Variants in RYR1 observed in about 807,000 individuals in gnomAD.
RYR1 encodes the protein central core disease of muscle.
A neutral mutation model predicts 583.5 loss-of-function variants in RYR1; 342 were observed. The observed-to-expected ratio is 0.59, with a 90% CI of 0.54 to 0.64. The LOEUF (loss-of-function observed/expected upper bound fraction) is 0.64. Ranked by LOEUF, RYR1 falls within the 30% of genes least tolerant of loss-of-function variation. The pLI is 0.00. For synonymous variants in RYR1, 2,791 were observed against 2,822.5 expected (o/e 0.99, Z 0.35); for missense variants, 6,032 against 6,917.2 (o/e 0.87, Z 4.54).
chr19:38,455,548 T>C lies in RYR1; in HGVS notation c.1672+2T>C. Reference sequence around the variant, plus strand: ...TGGATCGGCTGGAGGCCTCGTCTGGTAGGAGAACCCGGGGGAGTGGGACAG... The same window carrying C: ...TGGATCGGCTGGAGGCCTCGTCTGGCAGGAGAACCCGGGGGAGTGGGACAG... On this transcript the variant is annotated splice_donor_variant, in intron 15 of 105. Transcript: ENST00000359596. LOFTEE classifies it high-confidence loss of function. 6.2e-7 allele frequency: 1 copy of C among 1,613,968 alleles called. No individual in the cohort carries two copies. The highest frequency in any genetic ancestry group is 8.5e-7 in the Non-Finnish European group (1 of 1,179,922).
intron 89 of RYR1, among the ~76,000 whole-genome samples, chr19:38,553,180 C>G (rs1000214638): frequency 2.7e-5 from 4 of 148,658 alleles, no homozygotes; most frequent in Non-Finnish European, 5.9e-5. Context: ...ACTAAAAATA[C>G]AGAAATTAGC....
At position 38,499,305 on chromosome 19, in the gene RYR1, C is replaced by T. The variant is rs535313297; in HGVS notation, c.7027+62C>T. On this transcript the variant is annotated intron_variant, in intron 43 of 105. Transcript: ENST00000359596. This position sits in a 1 kb window ranked among gnomAD's most constrained non-coding sequence, Gnocchi z 7.3. ...GGAGTCACTGGTCACACACCTCCCT[C>T]GAGATGACTGCTCGCACCCTGAGCC... 19 of 1,611,748 alleles carry T rather than the reference C, an allele frequency of 1.2e-5. No homozygotes were observed. The highest frequency in any genetic ancestry group is 8.9e-5 in the East Asian group (4 of 44,870).
intron 29 of RYR1, 150 bp from the exon 30 acceptor site, chr19:38,477,560 A>C (rs1968794971): frequency 1.1e-6 from 1 of 875,674 alleles, no homozygotes; most frequent in Admixed American, 2.0e-5. Context: ...ACAGAAACAG[A>C]CATAACCAGG....
rs139498212 is a variant in RYR1 at position 38,499,709 on chromosome 19, C to T, written c.7102C>T (p.Leu2368=). 7 of 1,601,400 alleles carry T rather than the reference C, an allele frequency of 4.4e-6. No homozygotes were observed. Among genetic ancestry groups the T allele is most frequent in the Non-Finnish European group, 5.1e-6 (6 of 1,179,700 alleles). ...GAAGCCTGAGTGCTTCGGACCCGCCCTGCGGGGTGAGGGTGGCTCAGGGCT... is the reference window on the plus strand; with the variant it reads ...GAAGCCTGAGTGCTTCGGACCCGCCTTGCGGGGTGAGGGTGGCTCAGGGCT... The part of the protein sequence containing the change: ...IRKPECFGPA[L]RGEGGSGLLA... Residue 2368 remains leucine (L), a synonymous_variant, in exon 44 of 106, where the codon CTG becomes TTG. Coordinates refer to ENST00000359596, the MANE Select transcript of RYR1 (RefSeq NM_000540.3). The surrounding 1 kb of genome is among the most constrained non-coding windows in gnomAD (Gnocchi z 7.3).
In RYR1 at chr19:38,504,287, G is replaced by C. The variant is rs1431423296; in HGVS notation, c.7994G>C (p.Gly2665Ala). The part of the protein sequence containing the change: ...YCLPTGWANF[G>A]VTSEEELHLT... ...CTACCCACGGGCTGGGCCAACTTCGGGGTCACCTCAGAGGAGGAGCTGCAC... is the reference window on the plus strand; with the variant it reads ...CTACCCACGGGCTGGGCCAACTTCGCGGTCACCTCAGAGGAGGAGCTGCAC... Residue 2665 changes from glycine to alanine, a missense_variant, in exon 50 of 106, where the codon GGG becomes GCG. By Grantham distance (60) the Gly-to-Ala change is moderately conservative. Transcript: ENST00000359596. 5.0e-6 allele frequency: 8 copies of C among 1,614,098 alleles called. No homozygotes were observed. The highest frequency in any genetic ancestry group is 1.1e-5 in the South Asian group (1 of 91,064).
intron 67 of RYR1, among the ~76,000 whole-genome samples, chr19:38,520,072 T>C (rs1189386590): frequency 3.4e-5 from 4 of 117,446 alleles, no homozygotes; most frequent in South Asian, 2.5e-4. Context: ...AATAGTTTGC[T>C]TTTTTTTTTT....
chr19:38,485,540 T>C lies in RYR1; in HGVS notation c.4935-50T>C, dbSNP rs1251364299. The C allele has an allele frequency of 6.9e-6, 11 of 1,601,634 alleles. No individual in the cohort carries two copies. In the East Asian group the frequency reaches 2.2e-4, roughly 32 times the overall value. ...GAGGAAGAGATGGTGGCTTGACTGA[T>C]GCAGGAGGCTCATTCATCTGTCCCT... is the stretch of plus-strand genomic sequence containing the variant. On this transcript the variant is annotated intron_variant, in intron 33 of 105. Coordinates refer to ENST00000359596, the MANE Select transcript of RYR1 (RefSeq NM_000540.3).
At chr19:38,538,892 C>T (rs1600973637) in intron 84 of RYR1, among the ~76,000 whole-genome samples, 1 of 152,270 alleles carries the variant, frequency 6.6e-6, no homozygotes, top group Non-Finnish European at 1.5e-5. Context: ...CAAAATTCTG[C>T]ACAAAAAACA....
Position 38,573,262 on chromosome 19 carries a change from A to C in RYR1, c.14084A>C (p.Asp4695Ala). Residue 4695 changes from aspartate (D) to alanine (A), a missense_variant, in exon 96 of 106, where the codon GAC (aspartate) becomes GCC (alanine). Around this residue, in one of 11 missense-constraint regions of RYR1, gnomAD observed 188 missense variants for 215.6 expected, o/e 0.87. Coordinates refer to ENST00000359596, the MANE Select transcript of RYR1 (RefSeq NM_000540.3). Reference sequence around the variant, plus strand: ...CTGTACATCACGGAGCAGCCTGAGGACGATGACGTGAAGGGGCAGTGGGAC... The same window carrying C: ...CTGTACATCACGGAGCAGCCTGAGGCCGATGACGTGAAGGGGCAGTGGGAC... ...DGLYITEQPEDDDVKGQWDRL... is the reference protein window; with the variant it reads ...DGLYITEQPEADDVKGQWDRL... 6.2e-7 allele frequency: 1 copy of C among 1,613,948 alleles called. No homozygotes were observed. Among genetic ancestry groups the C allele is most frequent in the Non-Finnish European group, 8.5e-7 (1 of 1,179,944 alleles).
At position 38,457,566 on chromosome 19, in the gene RYR1, A is replaced by G. The variant is rs794728694; in HGVS notation, c.1861A>G (p.Thr621Ala). Residue 621 changes from threonine (T) to alanine (A), a missense_variant, in exon 17 of 106, where the codon ACT becomes GCT. Thr to Ala is a moderately conservative substitution (Grantham distance 58). Coordinates refer to ENST00000359596, the MANE Select transcript of RYR1 (RefSeq NM_000540.3). ...TGTACGCTCCAACCAAGATCTTATT[A>G]CTGAGAACTTGCTGCCTGGCCGTGA... ...VAVRSNQDLI[T>A]ENLLPGRELL... The G allele has an allele frequency of 6.2e-7, 1 of 1,614,136 alleles. No homozygotes were observed. The highest frequency in any genetic ancestry group is 1.1e-5 in the South Asian group (1 of 91,080).
At chr19:38,484,166 C>T (rs1316254566) in intron 33 of RYR1, among the ~76,000 whole-genome samples, 1 of 152,086 alleles carries the variant, frequency 6.6e-6, no homozygotes, top group Non-Finnish European at 1.5e-5. Context: ...GTGGTGTGCA[C>T]CCATCGTCCC....
At chr19:38,474,564 CTTTTTTTTTT>C (rs970000046) in intron 28 of RYR1, among the ~76,000 whole-genome samples, 34 of 88,208 alleles carry the variant, frequency 3.9e-4, no homozygotes, top group Admixed American at 9.4e-4. Context: ...CGCCCGGCTC[CTTTTTTTTTT>C]TTTTTTTTTT....
chr19:38,585,598 T>C (rs1310754076), intron 102 of RYR1, among the ~76,000 whole-genome samples: 2 of 151,596 alleles, frequency 1.3e-5, no homozygotes, highest in Non-Finnish European at 2.9e-5. Context: ...CTCAGCCTCC[T>C]GATTAGCTGG....
intron 67 of RYR1, among the ~76,000 whole-genome samples, chr19:38,521,300 G>T (rs1219626354): frequency 6.6e-6 from 1 of 151,086 alleles, no homozygotes; most frequent in African/African-American, 2.4e-5. Flanking sequence ...TCTCAATAAG[G>T]TTTGTTTTTT....
intron 1 of RYR1, among the ~76,000 whole-genome samples, chr19:38,439,909 C>A (rs891257980): frequency 6.6e-6 from 1 of 152,138 alleles, no homozygotes; most frequent in Non-Finnish European, 1.5e-5. Context: ...AAATAGCAGT[C>A]TATTATTAAA....
In RYR1 at chr19:38,500,272, G is replaced by A. The variant is rs1970046901; in HGVS notation, c.7323+256G>A. On this transcript the variant is annotated intron_variant, in intron 45 of 105. Transcript: ENST00000359596. This position sits in a 1 kb window ranked among gnomAD's most constrained non-coding sequence, Gnocchi z 5.9. ...GGGGAGCACAGGAAGAGGGGTCGGG[G>A]CTGGGATTGCAGGGCACACGGAGAG... Among the ~76,000 whole-genome samples the A allele has an allele frequency of 2.0e-5, 3 of 151,432 alleles. No individual in the cohort carries two copies. Among genetic ancestry groups the A allele is most frequent in the Admixed American group, 1.3e-4 (2 of 15,180 alleles).
At chr19:38,546,590 C>T (rs1034708286) in intron 88 of RYR1, 64 bp downstream of exon 88, 9 of 1,334,406 alleles carry the variant, frequency 6.7e-6, no homozygotes, top group African/African-American at 4.4e-5. Flanking sequence ...GAGAATGGCC[C>T]CCTGAGACCC....
chr19:38,506,785 C>T (rs373700479), intron 56 of RYR1, 44 bp from the exon 57 acceptor site: 50 of 1,613,504 alleles, frequency 3.1e-5, no homozygotes, highest in Middle Eastern at 1.6e-4. Flanking sequence ...GAGAGTGGCC[C>T]GGGTCTTCCC....
At chr19:38,530,010 C>G (rs139388342) in intron 76 of RYR1, among the ~76,000 whole-genome samples, 1 of 152,052 alleles carries the variant, frequency 6.6e-6, no homozygotes, top group Admixed American at 6.6e-5. Flanking sequence ...GATGGAGTCT[C>G]GCTCTGTCAC....
Sources: allele counts gnomAD v4.1 joint callset (sites outside exome capture counted in the v4.1 genomes callset), GRCh38; gene constraint gnomAD v4.1.1; regional missense constraint gnomAD v4.1.1; non-coding constraint Gnocchi (gnomAD v3.1); transcripts MANE v1.5; gene names NCBI Gene and HGNC (gene_info 2026-07-23, HGNC 2026-07-21).